Variants in MACROD1 observed in about 807,000 individuals in gnomAD.
The protein encoded by MACROD1 is mono-ADP ribosylhydrolase 1.
A neutral mutation model predicts 41.4 loss-of-function variants in MACROD1; 31 were observed. The ratio of observed to expected loss-of-function variants is 0.75; its 90% CI spans 0.56 to 1.01. MACROD1 has a LOEUF of 1.01. Among genes scored for constraint, MACROD1 ranks in the 50% least tolerant of loss-of-function variants. MACROD1 has a pLI of 0.00. For missense variants in MACROD1, 473 were observed against 460.0 expected (o/e 1.03, Z -0.26); for synonymous variants, 252 against 203.4 (o/e 1.24, Z -2.03).
intron 4 of MACROD1, among the ~76,000 whole-genome samples, chr11:64,002,371 G>T (rs775432987): frequency 4.6e-5 from 7 of 152,198 alleles, no homozygotes; most frequent in Non-Finnish European, 8.8e-5. Flanking sequence ...AGGCCTTTGG[G>T]GCTGACCTGG....
chr11:64,050,339 C>A (rs1322159726), intron 3 of MACROD1, among the ~76,000 whole-genome samples: 1 of 152,228 alleles, frequency 6.6e-6, no homozygotes. Flanking sequence ...GCTCTTCCCA[C>A]TGACCCTTCT....
At chr11:64,039,753 G>C (rs1354737598) in intron 3 of MACROD1, among the ~76,000 whole-genome samples, 2 of 152,252 alleles carry the variant, frequency 1.3e-5, no homozygotes, top group Non-Finnish European at 2.9e-5. Context: ...GCTCCCCGGG[G>C]CCAGCGGCTC....
intron 3 of MACROD1, among the ~76,000 whole-genome samples, chr11:64,113,601 AGGTGGATG>A (rs1428691160): frequency 1.5e-5 from 1 of 66,704 alleles, no homozygotes; most frequent in Non-Finnish European, 2.9e-5. Context: ...ATGGATGGTT[AGGTGGATG>A]GATGGATGGA....
intron 3 of MACROD1, among the ~76,000 whole-genome samples, chr11:64,102,365 C>T (rs1053074233): frequency 9.7e-6 from 1 of 103,304 alleles, no homozygotes; most frequent in African/African-American, 3.2e-5. Flanking sequence ...TGAGGACTGA[C>T]CCCCCACCTA....
At chr11:64,047,160 GC>G (rs538652192) in intron 3 of MACROD1, among the ~76,000 whole-genome samples, 47 of 152,200 alleles carry the variant, frequency 3.1e-4, no homozygotes, top group African/African-American at 1.1e-3. Context: ...AGGTGGCACT[GC>G]CTGCCTCCAC....
chr11:64,047,166 C>T (rs1244939436), intron 3 of MACROD1, among the ~76,000 whole-genome samples: 1 of 152,186 alleles, frequency 6.6e-6, no homozygotes, highest in Non-Finnish European at 1.5e-5. Flanking sequence ...CACTGCCTGC[C>T]TCCACCCACC....
chr11:64,086,788 C>G (rs984060553), intron 3 of MACROD1: 1 of 152,242 alleles, frequency 6.6e-6, no homozygotes, highest in Non-Finnish European at 1.5e-5. Flanking sequence ...TGGAGCTGGA[C>G]GTGAGCCCTC....
intron 3 of MACROD1, among the ~76,000 whole-genome samples, chr11:64,058,018 A>G (rs1322231592): frequency 3.3e-5 from 5 of 152,162 alleles, no homozygotes; most frequent in Non-Finnish European, 7.3e-5. Flanking sequence ...GCCTGCCACC[A>G]TCTGTGAGCC....
Position 64,064,316 on chromosome 11 carries a change from G to T in MACROD1, c.518-49035C>A, listed in dbSNP as rs1943956973. On this transcript the variant is annotated intron_variant, in intron 3 of 10. Transcript: ENST00000255681. This position sits in a 1 kb window ranked among gnomAD's most constrained non-coding sequence, Gnocchi z 4.5. ...CCCTGTTCAGGCGGCGGGTAGGGGG[G>T]TGATGTCTCATCAGAAGAGGGGCCT... 6.6e-6 allele frequency among the ~76,000 whole-genome samples: 1 copy of T among 152,178 alleles called. No homozygotes were observed.
intron 3 of MACROD1, among the ~76,000 whole-genome samples, chr11:64,069,794 A>G (rs1944073614): frequency 6.6e-6 from 1 of 152,228 alleles, no homozygotes; most frequent in Non-Finnish European, 1.5e-5. Context: ...CGGCCACTGC[A>G]GACGCAGCAG....
intron 4 of MACROD1, chr11:64,001,236 C>T (rs1942820742): frequency 1.0e-5 from 6 of 599,378 alleles, no homozygotes; most frequent in South Asian, 9.9e-5. Flanking sequence ...CACCCCTCAT[C>T]GGCTGTGAGA....
chr11:64,007,520 G>C (rs1379425890), intron 4 of MACROD1, among the ~76,000 whole-genome samples: 2 of 152,214 alleles, frequency 1.3e-5, no homozygotes, highest in African/African-American at 2.4e-5. Flanking sequence ...AGGCCGGCGG[G>C]TGAGGCTGGG....
chr11:64,015,035 A>G (rs894571719), intron 4 of MACROD1, among the ~76,000 whole-genome samples: 4 of 152,188 alleles, frequency 2.6e-5, no homozygotes, highest in African/African-American at 9.6e-5. Context: ...GGAGGCCTGC[A>G]TTCAGAGGGG....
intron 3 of MACROD1, chr11:64,138,639 G>T (rs1028473047): frequency 1.1e-5 from 8 of 740,556 alleles, no homozygotes; most frequent in East Asian, 1.3e-4. Context: ...CTGCGATGCC[G>T]CTCGGCTCTG....
chr11:64,135,395 G>C (rs1266585840), intron 3 of MACROD1, among the ~76,000 whole-genome samples: 1 of 152,182 alleles, frequency 6.6e-6, no homozygotes, highest in African/African-American at 2.4e-5. Flanking sequence ...CTCAGCTCTG[G>C]AGGTCACCAT....
chr11:64,043,045 C>T (rs985843448), intron 3 of MACROD1, among the ~76,000 whole-genome samples: 3 of 152,196 alleles, frequency 2.0e-5, no homozygotes, highest in Non-Finnish European at 2.9e-5. Context: ...AACTTGGGCT[C>T]GAAGCCCACC....
chr11:64,139,685 G>A (rs1945383232), intron 3 of MACROD1, among the ~76,000 whole-genome samples: 3 of 150,840 alleles, frequency 2.0e-5, no homozygotes, highest in Admixed American at 6.6e-5. Context: ...GGCCGGGTGC[G>A]GTGGCTCATG....
intron 4 of MACROD1, among the ~76,000 whole-genome samples, chr11:64,009,555 C>G (rs970472591): frequency 1.3e-5 from 2 of 152,212 alleles, no homozygotes; most frequent in African/African-American, 4.8e-5. Context: ...TCCCTCAACT[C>G]AGAGAGAGCT....
At chr11:64,117,188 C>T (rs1301458586) in intron 3 of MACROD1, 1 of 1,614,150 alleles carries the variant, frequency 6.2e-7, no homozygotes, top group South Asian at 1.1e-5. Flanking sequence ...ACAACCTGAC[C>T]ACGCTGCCCC....
Sources: gnomAD v4.1 joint callset for allele counts (sites outside exome capture counted in the v4.1 genomes callset) on GRCh38, gnomAD v4.1.1 for gene constraint, Gnocchi (gnomAD v3.1) non-coding constraint, MANE v1.5 for transcripts, NCBI Gene and HGNC (gene_info 2026-07-23, HGNC 2026-07-21) for gene names.